Variants in EPHA1 observed in about 807,000 individuals in gnomAD.
EPHA1 encodes EPH receptor A1.
In EPHA1, 92 loss-of-function variants were observed where a neutral mutation model predicts 110.1. That is an observed-to-expected ratio of 0.84 (90% CI 0.71 to 0.99). The LOEUF is 0.99. Ranked by LOEUF, EPHA1 falls within the 50% of genes least tolerant of loss-of-function variation. The pLI is 0.00. For missense variants in EPHA1, 1,204 were observed against 1,285.4 expected, an observed-to-expected ratio of 0.94 and a Z score of 0.97; for synonymous variants, 500 against 516.1, an observed-to-expected ratio of 0.97 and a Z score of 0.42.
At chr7:143,400,206 T>C (rs192409723) in intron 3 of EPHA1, among the ~76,000 whole-genome samples, 153 bp from the exon 4 acceptor site, 1 of 152,366 alleles carries the variant, frequency 6.6e-6, no homozygotes, top group East Asian at 1.9e-4. Context: ...ATGTGCATTA[T>C]GCTATTTAGC....
At position 143,393,172 on chromosome 7, in the gene EPHA1, C is replaced by T. The variant is rs1055500333; in HGVS notation, c.2696+499G>A. Reference sequence around the variant, plus strand: ...ACCCTGCAAGGCTGCTGCTACCTACCCCACCCCAGCCTGGCTGCCCAAGCT... The same window carrying T: ...ACCCTGCAAGGCTGCTGCTACCTACTCCACCCCAGCCTGGCTGCCCAAGCT... On this transcript the variant is annotated intron_variant, in intron 16 of 17. Coordinates refer to ENST00000275815, the MANE Select transcript of EPHA1 (RefSeq NM_005232.5). This position sits in a 1 kb window ranked among gnomAD's most constrained non-coding sequence, Gnocchi z 5.6. Among the ~76,000 whole-genome samples the T allele has an allele frequency of 3.3e-5, 5 of 152,260 alleles. No homozygotes were observed. In the South Asian group the frequency reaches 6.2e-4, roughly 19 times the overall value.
chr7:143,396,405 A>G lies in EPHA1; in HGVS notation c.1877T>C (p.Val626Ala), dbSNP rs1805249902. Residue 626 changes from valine (V) to alanine (A), a missense_variant, in exon 11 of 18, where the codon GTG (valine) becomes GCG (alanine). Val to Ala is a moderately conservative substitution (Grantham distance 64). Transcript: ENST00000275815. ...TRELDPAWLM[V>A]DTVIGEGEFG... ...CTCACCTTCTCCTATGACAGTGTCC[A>G]CCATCAGCCACGCTGGATCAAGCTC... is the stretch of plus-strand genomic sequence containing the variant. 1.2e-6 allele frequency: 2 copies of G among 1,612,842 alleles called. No individual in the cohort carries two copies. The highest frequency in any genetic ancestry group is 1.7e-6 in the Non-Finnish European group (2 of 1,179,752).
rs540913254 is a variant in EPHA1, at chr7:143,401,989, G to C, written c.151-384C>G. Among the ~76,000 whole-genome samples the C allele has an allele frequency of 6.6e-6, 1 of 152,082 alleles. No individual in the cohort carries two copies. Among genetic ancestry groups the C allele is most frequent in the Non-Finnish European group, 1.5e-5 (1 of 68,020 alleles). On this transcript the variant is annotated intron_variant, in intron 2 of 17. Transcript: ENST00000275815. This position sits in a 1 kb window ranked among gnomAD's most constrained non-coding sequence, Gnocchi z 4.1. ...GACAGGGTCTCGTTCTGTCTGCAGCGCAGTGGTATAATCAAAGCTCACTAT... is the reference window on the plus strand; with the variant it reads ...GACAGGGTCTCGTTCTGTCTGCAGCCCAGTGGTATAATCAAAGCTCACTAT...
chr7:143,398,243 A>G, intron 7 of EPHA1, 78 bp downstream of exon 7: 1 of 1,597,484 alleles, frequency 6.3e-7, no homozygotes, highest in South Asian at 1.1e-5. Flanking sequence ...GATTCCTCCC[A>G]ACCCACACCC....
At position 143,398,993 on chromosome 7, in the gene EPHA1, C is replaced by A. The variant is rs183169049; in HGVS notation, c.992-48G>T. 616 of 1,493,718 alleles carry A rather than the reference C, an allele frequency of 4.1e-4. 1 individual carries two copies. The African/African-American group carries it at 7.8e-3, about 19-fold the overall frequency. 92.5% of individuals were successfully genotyped at this position (1,493,718 alleles called of 1,614,324 possible). A position where few individuals can be genotyped will look rare whatever the true frequency, so the allele number is the denominator to read the frequency against. ...AGTAGAAGCCGACCTCGCTGTCACC[C>A]GAGCTGCTGATCCCCGGCCTCCACC... On this transcript the variant is annotated intron_variant, in intron 5 of 17. Coordinates refer to ENST00000275815, the MANE Select transcript of EPHA1 (RefSeq NM_005232.5).
intron 5 of EPHA1, 132 bp downstream of exon 5, chr7:143,399,126 G>C: frequency 7.7e-7 from 1 of 1,296,134 alleles, no homozygotes; most frequent in Non-Finnish European, 1.1e-6. Context: ...GCCAGGGCAG[G>C]GGCTAAAAGT....
At chr7:143,399,196 A>G (rs1021939141) in intron 5 of EPHA1, 62 bp downstream of exon 5, 90 of 1,567,056 alleles carry the variant, frequency 5.7e-5, no homozygotes, top group Non-Finnish European at 7.5e-5. Flanking sequence ...CAACCCTGAC[A>G]AAGTCTCAGC....
Position 143,395,318 on chromosome 7 carries a change from C to T in EPHA1, c.2083+1G>A, listed in dbSNP as rs1345313968. The T allele has an allele frequency of 5.0e-6, 8 of 1,614,192 alleles. No individual in the cohort carries two copies. Among genetic ancestry groups the T allele is most frequent in the Middle Eastern group, 1.6e-4 (1 of 6,062 alleles). On this transcript the variant is annotated splice_donor_variant, in intron 12 of 17. Transcript: ENST00000275815. LOFTEE classifies it high-confidence loss of function. The surrounding 1 kb of genome is among the most constrained non-coding windows in gnomAD (Gnocchi z 4.7). The stretch of plus-strand genomic sequence containing the variant: ...CAGCTGAGGGAGACCACTCATCGTA[C>T]GCTTTGTGACGACGCCTTCCAGATG...
At position 143,391,696 on chromosome 7, in the gene EPHA1, G is replaced by A. The variant is rs138715519; in HGVS notation, c.2776C>T (p.Arg926Cys). 114 of 1,613,842 alleles carry A rather than the reference G, an allele frequency of 7.1e-5. 1 individual carries two copies. In the African/African-American group the frequency reaches 1.1e-3, roughly 16 times the overall value. ...AAGTGCAGGATGTAGCGTTTCATGC[G>A]TATGGACTCGAGCCACTCAGAGACG... ...RTVSEWLESI[R>C]MKRYILHFHS... Residue 926 changes from arginine to cysteine, a missense_variant, in exon 17 of 18, where the codon CGC (arginine) becomes TGC (cysteine). By Grantham distance (180) the Arg-to-Cys change is radical. Coordinates refer to ENST00000275815, the MANE Select transcript of EPHA1 (RefSeq NM_005232.5).
At position 143,394,969 on chromosome 7, in the gene EPHA1, G is replaced by T. The variant is rs1283061958; in HGVS notation, c.2191C>A (p.Gln731Lys). Residue 731 changes from glutamine to lysine, a missense_variant, in exon 14 of 18, where the codon CAG (glutamine) becomes AAG (lysine). Physicochemically the swap from Gln to Lys is moderately conservative, Grantham distance 53 (BLOSUM62 1). Transcript: ENST00000275815. ...LVPGQLVAML[Q>K]GIASGMNYLS... ...TAGTTCATGCCAGATGCTATGCCCT[G>T]CAGCATGGCCACTAGCTGCCCAGGG... 6.2e-7 allele frequency: 1 copy of T among 1,614,104 alleles called. No homozygotes were observed. Among genetic ancestry groups the T allele is most frequent in the Admixed American group, 1.7e-5 (1 of 59,998 alleles).
At chr7:143,394,016 G>T in intron 15 of EPHA1, 152 bp from the exon 16 acceptor site, 1 of 1,234,710 alleles carries the variant, frequency 8.1e-7, no homozygotes, top group Non-Finnish European at 1.1e-6. Context: ...GGAGGATCAG[G>T]GTGGGAGGAG....
In EPHA1 at chr7:143,393,050, A is replaced by G. The variant is rs138120426; in HGVS notation, c.2696+621T>C. On this transcript the variant is annotated intron_variant, in intron 16 of 17. Transcript: ENST00000275815. This position sits in a 1 kb window ranked among gnomAD's most constrained non-coding sequence, Gnocchi z 5.6. ...TTGTCTCTCCAGCCTCATGGCTGCT[A>G]TTCCTAAACACAATGCCGCAGCCAT... 2.6e-3 allele frequency among the ~76,000 whole-genome samples: 402 copies of G among 152,120 alleles called. 1 individual carries two copies. Among genetic ancestry groups the G allele is most frequent in the African/African-American group, 9.2e-3 (382 of 41,478 alleles).
At chr7:143,407,239 G>A (rs1021432770) in intron 2 of EPHA1, among the ~76,000 whole-genome samples, 8 of 152,070 alleles carry the variant, frequency 5.3e-5, no homozygotes, top group Non-Finnish European at 2.9e-5. Context: ...TCAGATTGAG[G>A]ATGCTTTTCT....
chr7:143,396,739 G>A (rs535214519), intron 10 of EPHA1: 2 of 476,916 alleles, frequency 4.2e-6, no homozygotes, highest in South Asian at 2.6e-5. Flanking sequence ...CCGGGGCGGT[G>A]GCCAGGATCC....
chr7:143,402,111 T>C (rs2116632970), intron 2 of EPHA1, among the ~76,000 whole-genome samples: 1 of 142,796 alleles, frequency 7.0e-6, no homozygotes, highest in African/African-American at 2.5e-5. Flanking sequence ...TTTTTTTTGG[T>C]AGAGATGAGT....
chr7:143,398,470 G>A, intron 6 of EPHA1, 22 bp from the exon 7 acceptor site: 4 of 1,613,972 alleles, frequency 2.5e-6, no homozygotes, highest in Non-Finnish European at 3.4e-6. Context: ...GAGGGATAAG[G>A]TTGGATATGT....
rs1009524902 is a variant in EPHA1, at chr7:143,398,239, T to C, written c.1464+82A>G. 3 of 1,595,834 alleles carry C rather than the reference T, an allele frequency of 1.9e-6. No individual in the cohort carries two copies. The East Asian group carries it at 6.7e-5, about 36-fold the overall frequency. On this transcript the variant is annotated intron_variant, in intron 7 of 17. Coordinates refer to ENST00000275815, the MANE Select transcript of EPHA1 (RefSeq NM_005232.5). ...ACACAGTGGACTTCGGGTGGATTCC[T>C]CCCAACCCACACCCCAGGCTAGGAA... is the stretch of plus-strand genomic sequence containing the variant.
chr7:143,399,339 C>T lies in EPHA1; in HGVS notation c.910G>A (p.Glu304Lys). ...CLTCPQQSTA[E>K]SEGATICTCE... ...GTACAGATGGTGGCCCCCTCAGACT[C>T]AGCAGTGCTCTGCTGGGGGCACGTG... Residue 304 changes from glutamate to lysine, a missense_variant, in exon 5 of 18, where the codon GAG (glutamate) becomes AAG (lysine). Coordinates refer to ENST00000275815, the MANE Select transcript of EPHA1 (RefSeq NM_005232.5). 6.2e-7 allele frequency: 1 copy of T among 1,612,662 alleles called. No individual in the cohort carries two copies. The highest frequency in any genetic ancestry group is 8.5e-7 in the Non-Finnish European group (1 of 1,179,748).
intron 2 of EPHA1, among the ~76,000 whole-genome samples, chr7:143,403,620 A>G (rs1805476906): frequency 6.6e-6 from 1 of 152,176 alleles, no homozygotes; most frequent in Non-Finnish European, 1.5e-5. Flanking sequence ...TTTATAAGAT[A>G]CTGTCAAATT....
Sources: gnomAD v4.1 joint callset for allele counts (sites outside exome capture counted in the v4.1 genomes callset) on GRCh38, gnomAD v4.1.1 for gene constraint, Gnocchi (gnomAD v3.1) non-coding constraint, MANE v1.5 for transcripts, NCBI Gene and HGNC (gene_info 2026-07-23, HGNC 2026-07-21) for gene names.